Variants in FBH1 observed in about 807,000 individuals in gnomAD.
FBH1 encodes DNA 3'-5' helicase 1.
Under a neutral mutation model 115.5 loss-of-function variants are expected in FBH1, and 43 were observed. The observed-to-expected ratio is 0.37, with a 90% CI of 0.29 to 0.48. The LOEUF (loss-of-function observed/expected upper bound fraction) is 0.48, where lower values mean the gene tolerates loss of function less well. FBH1 is among the 20% of genes least tolerant of loss of function. FBH1 has a pLI of 0.99. For synonymous variants in FBH1, 524 were observed against 507.8 expected (o/e 1.03, Z -0.43); for missense variants, 1,001 against 1,337.3 (o/e 0.75, Z 3.92).
intron 1 of FBH1, chr10:5,894,385 G>A (rs1842894275): frequency 6.3e-7 from 1 of 1,580,958 alleles, no homozygotes; most frequent in East Asian, 2.3e-5. Flanking sequence ...GTTTTCAGAA[G>A]CTGCTTTCAA....
chr10:5,926,925 G>A (rs1253320693), intron 18 of FBH1, among the ~76,000 whole-genome samples: 1 of 152,236 alleles, frequency 6.6e-6, no homozygotes, highest in African/African-American at 2.4e-5. Flanking sequence ...TAGCACACCT[G>A]TGTGTCTTCC....
In FBH1 at chr10:5,917,202, G is replaced by A. The variant is rs988365084; in HGVS notation, c.1789-218G>A. On this transcript the variant is annotated intron_variant, in intron 10 of 20. Transcript: ENST00000362091. The surrounding 1 kb of genome is among the most constrained non-coding windows in gnomAD (Gnocchi z 5.6). ...ACTGTTATGATCTCTGTCCTGTCAC[G>A]GGCATGGCACGGCCCGGCTGCTTCC... 4 of 568,982 alleles carry A rather than the reference G, an allele frequency of 7.0e-6. No individual in the cohort carries two copies. The highest frequency in any genetic ancestry group is 9.5e-6 in the Non-Finnish European group (3 of 316,248). 35.2% of individuals were successfully genotyped at this position (568,982 alleles called of 1,614,324 possible). A position where few individuals can be genotyped will look rare whatever the true frequency, so the allele number is the denominator to read the frequency against.
At chr10:5,934,739 G>C (rs935962530) in intron 19 of FBH1, 3 of 150,426 alleles carry the variant, frequency 2.0e-5, no homozygotes, top group African/African-American at 7.4e-5. Flanking sequence ...TTAGATACAG[G>C]GTCTTGCTTT....
chr10:5,937,346 C>T lies in FBH1; in HGVS notation c.*66C>T, dbSNP rs1589130012. The T allele has an allele frequency of 4.2e-6, 6 of 1,413,248 alleles. No individual in the cohort carries two copies. The highest frequency in any genetic ancestry group is 1.5e-5 in the African/African-American group (1 of 68,638). 87.5% of individuals were successfully genotyped at this position (1,413,248 alleles called of 1,614,324 possible). On this transcript the variant is annotated 3_prime_UTR_variant, in exon 21 of 21. Transcript: ENST00000362091. ...GAGGACCCCGCGTGAAGAAAGCCAG[C>T]GAGGGGGGCTTCTGCTCCCTGAGAC...
Position 5,921,368 on chromosome 10 carries a change from T to C in FBH1, c.2200+11T>C, listed in dbSNP as rs770832512. The C allele has an allele frequency of 6.2e-7, 1 of 1,613,046 alleles. No homozygotes were observed. On this transcript the variant is annotated intron_variant, in intron 14 of 20. Coordinates refer to ENST00000362091, the MANE Select transcript of FBH1 (RefSeq NM_178150.3). This position sits in a 1 kb window ranked among gnomAD's most constrained non-coding sequence, Gnocchi z 6.4. ...GAGGAAACCATCAGAGTAAGGCTTT[T>C]AGTTACTCTTCTCTTTTGTGTTACA...
chr10:5,890,132 G>C, upstream of FBH1: 1 of 324,622 alleles, frequency 3.1e-6, no homozygotes, highest in Non-Finnish European at 5.7e-6. Context: ...CTCCGGTCTC[G>C]CGTCCCGATT....
chr10:5,927,490 G>C lies in FBH1; in HGVS notation c.2778G>C (p.Lys926Asn). 1 of 1,613,964 alleles carries C rather than the reference G, an allele frequency of 6.2e-7. No individual in the cohort carries two copies. Among genetic ancestry groups the C allele is most frequent in the Non-Finnish European group, 8.5e-7 (1 of 1,179,984 alleles). ...TGTATGTTGCAGTAACTCGAGCCAA[G>C]AAGCGTCTCATCATGACCAAATCAT... ...NLLYVAVTRA[K>N]KRLIMTKSLE... The change falls in exon 19 of 21, where the codon AAG becomes AAC. Residue 926 changes from lysine (K) to asparagine (N), a missense_variant. Physicochemically the swap from Lys to Asn is moderately conservative, Grantham distance 94. Around this residue, in one of 4 missense-constraint regions of FBH1, gnomAD observed 521 missense variants for 811.0 expected, o/e 0.64. Transcript: ENST00000362091.
At chr10:5,912,186 C>T (rs560037233) in intron 6 of FBH1, among the ~76,000 whole-genome samples, 4 of 152,056 alleles carry the variant, frequency 2.6e-5, no homozygotes, top group Admixed American at 2.6e-4. Context: ...AAGGGGAAAC[C>T]CCATCTCTAT....
intron 19 of FBH1, among the ~76,000 whole-genome samples, chr10:5,928,989 G>C (rs1832817082): frequency 1.3e-5 from 2 of 152,192 alleles, no homozygotes; most frequent in African/African-American, 4.8e-5. Flanking sequence ...CTCTGGGGTT[G>C]AACCACAGGG....
At chr10:5,901,568 CTTTTTTTTT>C (rs367715134) in intron 1 of FBH1, among the ~76,000 whole-genome samples, 7 of 130,418 alleles carry the variant, frequency 5.4e-5, no homozygotes. Context: ...TTTTCTTTTT[CTTTTTTTTT>C]TTTTTTTGAG....
chr10:5,890,048 C>A, upstream of FBH1: 1 of 289,632 alleles, frequency 3.5e-6, no homozygotes, highest in Non-Finnish European at 6.4e-6. Flanking sequence ...TGGGGCGTGG[C>A]CCGGTAGCTG....
chr10:5,892,381 T>G (rs1842784631), intron 1 of FBH1, among the ~76,000 whole-genome samples: 1 of 152,230 alleles, frequency 6.6e-6, no homozygotes, highest in Non-Finnish European at 1.5e-5. Context: ...GTATTAGATT[T>G]AGAATTCTAA....
At position 5,920,743 on chromosome 10, in the gene FBH1, A is replaced by G. The variant is rs115003462; in HGVS notation, c.2101-515A>G. ...CACACCCCGAGTGTAGGGAAGAATGATATCTTGCCAGCTGGAGGGGCGAAG... is the reference window on the plus strand; with the variant it reads ...CACACCCCGAGTGTAGGGAAGAATGGTATCTTGCCAGCTGGAGGGGCGAAG... On this transcript the variant is annotated intron_variant, in intron 13 of 20. Coordinates refer to ENST00000362091, the MANE Select transcript of FBH1 (RefSeq NM_178150.3). Among the ~76,000 whole-genome samples the G allele has an allele frequency of 4.7e-3, 712 of 152,194 alleles. 5 individuals carry two copies. Among genetic ancestry groups the G allele is most frequent in the African/African-American group, 0.016 (682 of 41,528 alleles).
chr10:5,899,633 G>A (rs1007785138), intron 1 of FBH1, among the ~76,000 whole-genome samples: 2 of 152,118 alleles, frequency 1.3e-5, no homozygotes, highest in Non-Finnish European at 2.9e-5. Context: ...TTTGCTGCCC[G>A]GAGTCCTGCA....
At chr10:5,896,717 C>T (rs1419460658) in intron 1 of FBH1, among the ~76,000 whole-genome samples, 1 of 152,118 alleles carries the variant, frequency 6.6e-6, no homozygotes, top group Non-Finnish European at 1.5e-5. Context: ...AATCTCTCTG[C>T]ACCCACAAGA....
Position 5,911,141 on chromosome 10 carries a change from G to A in FBH1, c.1211+13G>A. 1 of 1,602,970 alleles carries A rather than the reference G, an allele frequency of 6.2e-7. No individual in the cohort carries two copies. Among genetic ancestry groups the A allele is most frequent in the South Asian group, 1.1e-5 (1 of 90,226 alleles). ...ACATCAGCAATAGGTAATGCCCCGG[G>A]AGGAGGGGAGGGGATGCTGTGATAA... On this transcript the variant is annotated intron_variant, in intron 6 of 20. Transcript: ENST00000362091. This position sits in a 1 kb window ranked among gnomAD's most constrained non-coding sequence, Gnocchi z 5.4.
At position 5,931,755 on chromosome 10, in the gene FBH1, CAT is replaced by C. The variant is rs1380161581; in HGVS notation, c.2829+4215_2829+4216del. ...ATTACCAACTTAATTTGCAGTTAGA[CAT>C]GTAGTTTATTCATAATACCTACAGG... On this transcript the variant is annotated intron_variant, in intron 19 of 20. Transcript: ENST00000362091. The surrounding 1 kb of genome is among the most constrained non-coding windows in gnomAD (Gnocchi z 4.3). Among the ~76,000 whole-genome samples, 2 of 152,312 alleles carry C rather than the reference CAT, an allele frequency of 1.3e-5. No homozygotes were observed. The highest frequency in any genetic ancestry group is 3.8e-4 in the East Asian group (2 of 5,196).
rs1400026836 is a variant in FBH1 at position 5,914,704 on chromosome 10, G to A, written c.1396+435G>A. On this transcript the variant is annotated intron_variant, in intron 8 of 20. Coordinates refer to ENST00000362091, the MANE Select transcript of FBH1 (RefSeq NM_178150.3). The surrounding 1 kb of genome is among the most constrained non-coding windows in gnomAD (Gnocchi z 5.2). Reference sequence around the variant, plus strand: ...TAAATATATTATCTACAAGTGTCCTGCCTCAGTCAGCCACGCCGATCCACT... The same window carrying A: ...TAAATATATTATCTACAAGTGTCCTACCTCAGTCAGCCACGCCGATCCACT... Among the ~76,000 whole-genome samples, 2 of 152,192 alleles carry A rather than the reference G, an allele frequency of 1.3e-5. No individual in the cohort carries two copies. The highest frequency in any genetic ancestry group is 2.9e-5 in the Non-Finnish European group (2 of 68,044).
At position 5,915,567 on chromosome 10, in the gene FBH1, C is replaced by T. The variant is rs1564449584; in HGVS notation, c.1561C>T (p.Arg521Trp). The change falls in exon 9 of 21, where the codon CGG becomes TGG. Residue 521 changes from arginine (R) to tryptophan (W), a missense_variant. Around this residue, in one of 4 missense-constraint regions of FBH1, gnomAD observed 521 missense variants for 811.0 expected, o/e 0.64. Transcript: ENST00000362091. This position sits in a 1 kb window ranked among gnomAD's most constrained non-coding sequence, Gnocchi z 5.2. ...FHSMAYGHIG[R>W]KYQSKKKLNL... ...CTCCATGGCCTACGGGCACATAGGG[C>T]GGAAGTGAGTACTGCTGTCACTAGT... The T allele has an allele frequency of 6.2e-7, 1 of 1,614,030 alleles. No individual in the cohort carries two copies.
Sources: allele counts gnomAD v4.1 joint callset (sites outside exome capture counted in the v4.1 genomes callset), GRCh38; gene constraint gnomAD v4.1.1; regional missense constraint gnomAD v4.1.1; non-coding constraint Gnocchi (gnomAD v3.1); transcripts MANE v1.5; gene names NCBI Gene and HGNC (gene_info 2026-07-23, HGNC 2026-07-21).